The following MRPL28 variants were observed in gnomAD, a reference collection of about 807,000 sequenced individuals.
MRPL28 encodes the protein mitochondrial ribosomal protein L28.
MRPL28 carries 25 observed loss-of-function variants against 26.2 expected under a neutral mutation model. That is an observed-to-expected ratio of 0.95 (90% CI 0.69 to 1.33). MRPL28 has a LOEUF of 1.33. MRPL28 is among the 40% of genes most tolerant of loss of function. The probability of loss-of-function intolerance (pLI) is 0.00; values close to 1 mark genes in which losing one functional copy is unlikely to be tolerated. For synonymous variants in MRPL28, 227 were observed against 140.1 expected, an observed-to-expected ratio of 1.62 and a Z score of -4.38; for missense variants, 432 against 327.2, an observed-to-expected ratio of 1.32 and a Z score of -2.47.
chr16:368,484 G>A lies in MRPL28; in HGVS notation c.576+17C>T, dbSNP rs530198517. The stretch of plus-strand genomic sequence containing the variant: ...CCACGAGTCCCCAGGTGTAGGGAGC[G>A]GGACGGAAACCCTCACCTTGTACTT... On this transcript the variant is annotated intron_variant, in intron 4 of 5. Transcript: ENST00000199706. The A allele has an allele frequency of 3.8e-5, 61 of 1,609,896 alleles. No homozygotes were observed. The South Asian group carries it at 4.4e-4, about 12-fold the overall frequency.
chr16:368,763 C>T (rs563868957), intron 3 of MRPL28, 128 bp from the exon 4 acceptor site: 10 of 1,390,478 alleles, frequency 7.2e-6, no homozygotes, highest in Middle Eastern at 2.7e-4. Context: ...CGGGTGGGGC[C>T]GCCTCAGCAC....
In MRPL28 at chr16:367,604, C is replaced by T; in HGVS notation, c.*71G>A. 1 of 1,393,670 alleles carries T rather than the reference C, an allele frequency of 7.2e-7. No individual in the cohort carries two copies. The highest frequency in any genetic ancestry group is 1.0e-6 in the Non-Finnish European group (1 of 988,210). The allele number at this position is 1,393,670 out of a possible 1,614,324, so 86.3% of individuals were successfully genotyped here. ...GGTGGCCCTCACAGCTCCCCGGGAT[C>T]TGTGTCCTCAGTGCAAAGGGCCTGG... On this transcript the variant is annotated 3_prime_UTR_variant, in exon 6 of 6. Transcript: ENST00000199706.
At chr16:367,805 G>A in intron 5 of MRPL28, 23 bp from the exon 6 acceptor site, 2 of 1,598,842 alleles carry the variant, frequency 1.3e-6, no homozygotes, top group Non-Finnish European at 1.7e-6. Context: ...GGGGCTCATG[G>A]TGAGGCCAGG....
chr16:369,229 G>A lies in MRPL28; in HGVS notation c.289-9C>T, dbSNP rs562718966. 41 of 1,613,482 alleles carry A rather than the reference G, an allele frequency of 2.5e-5. 1 individual carries two copies. In the South Asian group the frequency reaches 4.1e-4, roughly 16 times the overall value. Reference sequence around the variant, plus strand: ...TTCAGCCTCTTGGAGAGCTGAGGGTGCAACAGAGCCTCCATGAGTACTGCT... The same window carrying A: ...TTCAGCCTCTTGGAGAGCTGAGGGTACAACAGAGCCTCCATGAGTACTGCT... On this transcript the variant is annotated splice_polypyrimidine_tract_variant and intron_variant, in intron 2 of 5. Transcript: ENST00000199706.
chr16:369,383 G>A (rs562087366), intron 2 of MRPL28, 163 bp from the exon 3 acceptor site: 58 of 852,166 alleles, frequency 6.8e-5, no homozygotes, highest in East Asian at 4.0e-4. Context: ...GCCCAGTGCC[G>A]CCCCAGCCCG....
chr16:369,596 C>G (rs1378281107), intron 2 of MRPL28: 18 of 610,450 alleles, frequency 2.9e-5, no homozygotes, highest in Admixed American at 4.4e-5. Flanking sequence ...CAAGCAGCCT[C>G]GAAGCTCTGC....
Position 369,061 on chromosome 16 carries a change from C to G in MRPL28, c.441+7G>C. On this transcript the variant is annotated splice_region_variant and intron_variant, in intron 3 of 5. Coordinates refer to ENST00000199706, the MANE Select transcript of MRPL28 (RefSeq NM_006428.5). The stretch of plus-strand genomic sequence containing the variant: ...CTGTGTGCACTGACTCGCCCCACCC[C>G]GCTTGCCTTGAGGATGTAAAAGTCG... The G allele has an allele frequency of 6.2e-7, 1 of 1,612,832 alleles. No individual in the cohort carries two copies. Among genetic ancestry groups the G allele is most frequent in the Non-Finnish European group, 8.5e-7 (1 of 1,179,582 alleles).
chr16:368,943 G>T, intron 3 of MRPL28, 125 bp downstream of exon 3: 1 of 1,261,236 alleles, frequency 7.9e-7, no homozygotes, highest in Non-Finnish European at 1.1e-6. Flanking sequence ...CCCCACTCAC[G>T]CTTTCCCAGT....
Position 370,094 on chromosome 16 carries a change from T to C in MRPL28, c.125A>G (p.His42Arg). The C allele has an allele frequency of 1.2e-6, 2 of 1,611,438 alleles. No homozygotes were observed. Among genetic ancestry groups the C allele is most frequent in the Non-Finnish European group, 1.7e-6 (2 of 1,179,256 alleles). ...GAACTTGGCCCCATGAGGCCTATAG[T>C]GCACGGGAGTGGGCGTCCGCTCCTC... Reference protein sequence around the residue: ...LEEERTPTPVHYRPHGAKFKI... With the variant: ...LEEERTPTPVRYRPHGAKFKI... The change falls in exon 2 of 6, where the codon CAC becomes CGC. Residue 42 changes from histidine to arginine, a missense_variant. His to Arg is a conservative substitution (Grantham distance 29). Transcript: ENST00000199706.
In MRPL28 at chr16:369,050, T is replaced by C; in HGVS notation, c.441+18A>G. 1 of 1,611,674 alleles carries C rather than the reference T, an allele frequency of 6.2e-7. No individual in the cohort carries two copies. The highest frequency in any genetic ancestry group is 1.7e-5 in the Admixed American group (1 of 59,966). On this transcript the variant is annotated intron_variant, in intron 3 of 5. Coordinates refer to ENST00000199706, the MANE Select transcript of MRPL28 (RefSeq NM_006428.5). Reference sequence around the variant, plus strand: ...CATCCCAGACCCTGTGTGCACTGACTCGCCCCACCCCGCTTGCCTTGAGGA... The same window carrying C: ...CATCCCAGACCCTGTGTGCACTGACCCGCCCCACCCCGCTTGCCTTGAGGA...
intron 1 of MRPL28, 113 bp from the exon 2 acceptor site, chr16:370,338 G>A: frequency 2.5e-5 from 2 of 79,086 alleles, no homozygotes; most frequent in Non-Finnish European, 4.1e-5. Flanking sequence ...GCTCTCACCC[G>A]CTACCCCGGC....
chr16:369,575 G>T (rs527600980), intron 2 of MRPL28: 1 of 616,602 alleles, frequency 1.6e-6, no homozygotes. Context: ...GTCCCGCCAG[G>T]AAGTCCACCA....
chr16:369,523 T>G, intron 2 of MRPL28: 1 of 611,474 alleles, frequency 1.6e-6, no homozygotes, highest in Non-Finnish European at 3.1e-6. Flanking sequence ...GTTGTCACAT[T>G]CCAACCTGGA....
rs1467945704 is a variant in MRPL28, at chr16:370,196, A to G, written c.23T>C (p.Val8Ala). Residue 8 changes from valine (V) to alanine (A), a missense_variant, in exon 2 of 6, where the codon GTG becomes GCG. Transcript: ENST00000199706. ...CAGCTGCAGCCGCTTCCAGAGCCAC[A>G]CGGGATACTTGTGTAGAGGCATCGC... MPLHKYP[V>A]WLWKRLQLRE... is the part of the protein sequence containing the mutation. 1.3e-6 allele frequency: 2 copies of G among 1,597,262 alleles called. No homozygotes were observed. Among genetic ancestry groups the G allele is most frequent in the Admixed American group, 3.4e-5 (2 of 59,248 alleles).
intron 2 of MRPL28, 68 bp downstream of exon 2, chr16:369,863 G>A: frequency 6.5e-7 from 1 of 1,544,674 alleles, no homozygotes; most frequent in East Asian, 2.2e-5. Flanking sequence ...AGGTACCCCG[G>A]GCGTCCGGCA....
In MRPL28 at chr16:367,398, C is replaced by T; in HGVS notation, c.*277G>A. On this transcript the variant is annotated 3_prime_UTR_variant, in exon 6 of 6. Coordinates refer to ENST00000199706, the MANE Select transcript of MRPL28 (RefSeq NM_006428.5). ...CAAAGCAAAGATACACACACACAGC[C>T]TGGCCCAGACTTTACTCGCTCCCGG... 2 of 703,090 alleles carry T rather than the reference C, an allele frequency of 2.8e-6. No homozygotes were observed. Among genetic ancestry groups the T allele is most frequent in the South Asian group, 3.0e-5 (2 of 66,714 alleles). 43.6% of individuals were successfully genotyped at this position (703,090 alleles called of 1,614,324 possible). A position where few individuals can be genotyped will look rare whatever the true frequency, so the allele number is the denominator to read the frequency against.
intron 3 of MRPL28, 59 bp downstream of exon 3, chr16:369,009 G>A (rs778424363): frequency 8.2e-6 from 13 of 1,575,970 alleles, no homozygotes; most frequent in African/African-American, 8.1e-5. Flanking sequence ...TGGGGCTCCC[G>A]TGAGTCTGAC....
intron 5 of MRPL28, among the ~76,000 whole-genome samples, chr16:368,084 CG>C (rs2054277080): frequency 6.6e-6 from 1 of 152,168 alleles, no homozygotes; most frequent in Non-Finnish European, 1.5e-5. Context: ...TGCTGGTGGC[CG>C]AGCAAACCCT....
At chr16:369,718 G>A (rs1403702816) in intron 2 of MRPL28, 3 of 737,972 alleles carry the variant, frequency 4.1e-6, no homozygotes, top group Admixed American at 2.2e-5. Flanking sequence ...TTGCTCCCCC[G>A]GCCTGAGTCA....
Sources: allele counts gnomAD v4.1 joint callset (sites outside exome capture counted in the v4.1 genomes callset), GRCh38; gene constraint gnomAD v4.1.1; transcripts MANE v1.5; gene names NCBI Gene and HGNC (gene_info 2026-07-23, HGNC 2026-07-21).